The following NREP variants were observed in gnomAD, a reference collection of about 807,000 sequenced individuals.
NREP encodes the protein neuronal regeneration-related protein.
In NREP, 5 loss-of-function variants were observed where a neutral mutation model predicts 8.6. The observed-to-expected ratio is 0.58, with a 90% CI of 0.30 to 1.22. NREP has a LOEUF of 1.22. Among genes scored for constraint, NREP ranks in the 50% most tolerant of loss-of-function variants. The pLI, the probability that NREP is intolerant of heterozygous loss-of-function variation, is 0.07. For missense variants in NREP, 86 were observed against 82.5 expected (o/e 1.04, Z -0.17); for synonymous variants, 27 against 28.0 (o/e 0.96, Z 0.11).
At chr5:111,803,450 A>G (rs2112906413) in intron 2 of NREP, among the ~76,000 whole-genome samples, 1 of 152,328 alleles carries the variant, frequency 6.6e-6, no homozygotes, top group East Asian at 1.9e-4. Flanking sequence ...TGAATTCTGC[A>G]CACATCTTTC....
intron 2 of NREP, among the ~76,000 whole-genome samples, chr5:111,933,887 C>A (rs1010025141): frequency 6.6e-6 from 1 of 152,018 alleles, no homozygotes; most frequent in African/African-American, 2.4e-5. Context: ...GGGTCTGTAA[C>A]CAAAATGCAG....
At chr5:111,943,815 C>T (rs565838335) in intron 2 of NREP, among the ~76,000 whole-genome samples, 19 of 152,132 alleles carry the variant, frequency 1.2e-4, no homozygotes, top group Admixed American at 5.9e-4. Context: ...TGGATTTTTC[C>T]GATTAGCTCT....
chr5:111,821,242 A>AT, intron 2 of NREP, among the ~76,000 whole-genome samples: 1 of 152,068 alleles, frequency 6.6e-6, no homozygotes, highest in Non-Finnish European at 1.5e-5. Context: ...TTGTTATATT[A>AT]TTTTTGTATT....
rs149288709 is a variant in NREP, at chr5:111,799,982, T to A, written c.136-64475A>T. Among the ~76,000 whole-genome samples, 222 of 152,232 alleles carry A rather than the reference T, an allele frequency of 1.5e-3. 2 individuals are homozygous for A. The highest frequency in any genetic ancestry group is 2.8e-3 in the Admixed American group (43 of 15,292). ...TCACCCAGGCTGGAGTGCGGTGGTGTGATCTCAGCTCACCGCAACCTCCAC... is the reference window on the plus strand; with the variant it reads ...TCACCCAGGCTGGAGTGCGGTGGTGAGATCTCAGCTCACCGCAACCTCCAC... On this transcript the variant is annotated intron_variant, in intron 2 of 3. Transcript: ENST00000395634.
chr5:111,840,108 C>T (rs975458054), intron 2 of NREP, among the ~76,000 whole-genome samples: 11 of 151,904 alleles, frequency 7.2e-5, no homozygotes, highest in Admixed American at 2.0e-4. Context: ...GGTATAATGA[C>T]GTAAGTATAA....
chr5:111,822,078 C>A (rs1752525669), intron 2 of NREP, among the ~76,000 whole-genome samples: 1 of 152,136 alleles, frequency 6.6e-6, no homozygotes, highest in Non-Finnish European at 1.5e-5. Context: ...TCAGCAAGAG[C>A]TGAAGAACAC....
rs909698048 is a variant in NREP, at chr5:111,841,268, T to A, written c.136-105761A>T. Among the ~76,000 whole-genome samples, 5 of 152,162 alleles carry A rather than the reference T, an allele frequency of 3.3e-5. No individual in the cohort carries two copies. In the East Asian group the frequency reaches 9.6e-4, roughly 29 times the overall value. On this transcript the variant is annotated intron_variant, in intron 2 of 3. Transcript: ENST00000395634. ...AACATGGGAATATTTATCCATCAGC[T>A]CCTTTCCTCCACTGGTCAAGGGTTG...
At chr5:111,896,308 T>C (rs962291193) in intron 2 of NREP, among the ~76,000 whole-genome samples, 1 of 152,138 alleles carries the variant, frequency 6.6e-6, no homozygotes, top group African/African-American at 2.4e-5. Flanking sequence ...GTTTAACAAT[T>C]GAGTGGATAG....
intron 2 of NREP, among the ~76,000 whole-genome samples, chr5:111,889,056 C>T (rs1372799688): frequency 6.6e-6 from 1 of 152,188 alleles, no homozygotes; most frequent in Admixed American, 6.5e-5. Flanking sequence ...GGAGCATGTA[C>T]ACAGATGTTC....
chr5:111,777,028 GA>G (rs1225337147), intron 2 of NREP, among the ~76,000 whole-genome samples: 1 of 149,616 alleles, frequency 6.7e-6, no homozygotes. Flanking sequence ...GGAGGAGGAG[GA>G]AGGAGGTGGA....
chr5:111,748,580 G>A (rs1393634380), intron 2 of NREP, among the ~76,000 whole-genome samples: 3 of 152,148 alleles, frequency 2.0e-5, no homozygotes, highest in Admixed American at 2.0e-4. Context: ...TCTATTCCAA[G>A]GTCTCATTAG....
intron 2 of NREP, among the ~76,000 whole-genome samples, chr5:111,868,246 A>G (rs1388224011): frequency 6.6e-6 from 1 of 152,186 alleles, no homozygotes; most frequent in Non-Finnish European, 1.5e-5. Context: ...AAACAACTAA[A>G]AAAAGTTATA....
intron 2 of NREP, among the ~76,000 whole-genome samples, chr5:111,865,532 G>A (rs1470082762): frequency 3.9e-5 from 6 of 152,160 alleles, no homozygotes; most frequent in Admixed American, 1.3e-4. Context: ...GCCCAGTATT[G>A]CAAGCAGCAA....
chr5:111,858,182 T>C (rs1280642119), intron 2 of NREP, among the ~76,000 whole-genome samples: 3 of 152,072 alleles, frequency 2.0e-5, no homozygotes, highest in South Asian at 2.1e-4. Flanking sequence ...ACTCTGGAGG[T>C]AGAGCCAGTA....
At chr5:111,906,249 G>T (rs1381938384) in intron 2 of NREP, among the ~76,000 whole-genome samples, 2 of 151,942 alleles carry the variant, frequency 1.3e-5, no homozygotes, top group African/African-American at 4.8e-5. Flanking sequence ...CAGGAATTTT[G>T]CAATGTGTTT....
At chr5:111,804,263 T>C (rs879846807) in intron 2 of NREP, among the ~76,000 whole-genome samples, 11 of 152,152 alleles carry the variant, frequency 7.2e-5, no homozygotes, top group Non-Finnish European at 1.2e-4. Flanking sequence ...AGGTCACATT[T>C]CAAAACACTG....
intron 2 of NREP, among the ~76,000 whole-genome samples, chr5:111,800,367 T>A (rs1476511184): frequency 6.6e-6 from 1 of 152,256 alleles, no homozygotes; most frequent in Non-Finnish European, 1.5e-5. Flanking sequence ...GGTTTCATGT[T>A]AGAATCACTG....
chr5:111,894,391 G>C (rs552607704), intron 2 of NREP, among the ~76,000 whole-genome samples: 1 of 151,848 alleles, frequency 6.6e-6, no homozygotes, highest in African/African-American at 2.4e-5. Context: ...CATTTCTGTG[G>C]TTAAGGCTCA....
intron 2 of NREP, among the ~76,000 whole-genome samples, chr5:111,882,120 C>G (rs1008902996): frequency 2.6e-5 from 4 of 152,078 alleles, no homozygotes; most frequent in Middle Eastern, 3.2e-3. Context: ...ATAACCAATA[C>G]AGAAAAGTGC....
Sources: allele counts gnomAD v4.1 joint callset (sites outside exome capture counted in the v4.1 genomes callset), GRCh38; gene constraint gnomAD v4.1.1; transcripts MANE v1.5; gene names NCBI Gene and HGNC (gene_info 2026-07-23, HGNC 2026-07-21).